The following ZPBP variants were observed in gnomAD, a reference collection of about 807,000 sequenced individuals.
ZPBP encodes the protein zona pellucida-binding protein 1.
A neutral mutation model predicts 44.8 loss-of-function variants in ZPBP; 26 were observed. That is an observed-to-expected ratio of 0.58 (90% CI 0.43 to 0.81). ZPBP has a LOEUF of 0.81. Ranked by LOEUF, ZPBP falls within the 30% of genes least tolerant of loss-of-function variation. The pLI, the probability that ZPBP is intolerant of heterozygous loss-of-function variation, is 0.00. For missense variants in ZPBP, 409 were observed against 434.0 expected, an observed-to-expected ratio of 0.94 and a Z score of 0.51; for synonymous variants, 174 against 153.2, an observed-to-expected ratio of 1.14 and a Z score of -1.00.
chr7:49,873,351 T>C (rs966889070), intron 2 of ZPBP, among the ~76,000 whole-genome samples: 5 of 152,308 alleles, frequency 3.3e-5, no homozygotes, highest in Middle Eastern at 3.4e-3. Context: ...CACCTTGTAA[T>C]GGAGGGAGAG....
intron 7 of ZPBP, among the ~76,000 whole-genome samples, chr7:49,947,460 G>T (rs551627952): frequency 6.6e-6 from 1 of 152,304 alleles, no homozygotes; most frequent in South Asian, 2.1e-4. Context: ...CTGCAGACTT[G>T]CAGATGCACT....
rs143464449 is a variant in ZPBP at position 49,928,492 on chromosome 7, T to G, written n.411+7259A>C. Among the ~76,000 whole-genome samples, 1,310 of 152,246 alleles carry G rather than the reference T, an allele frequency of 8.6e-3. 14 individuals carry two copies. The highest frequency in any genetic ancestry group is 0.014 in the Non-Finnish European group (985 of 68,010). On this transcript the variant is annotated intron_variant and non_coding_transcript_variant, in intron 1 of 2. Coordinates refer to the ZPBP transcript ENST00000465922. Reference sequence around the variant, plus strand: ...ATCTATTGATATTTCTCTTCCCCACTCTCCTTCAGGACCACCCCTGTGGGT... The same window carrying G: ...ATCTATTGATATTTCTCTTCCCCACGCTCCTTCAGGACCACCCCTGTGGGT...
At chr7:50,081,960 T>C (rs1403720700) in intron 2 of ZPBP, 61 bp from the exon 3 acceptor site, 26 of 1,572,682 alleles carry the variant, frequency 1.7e-5, no homozygotes, top group East Asian at 1.6e-4. Flanking sequence ...TTCTCTATAA[T>C]GTACACTTTT....
chr7:49,976,956 C>T (rs537338548), intron 7 of ZPBP, among the ~76,000 whole-genome samples: 150 of 151,934 alleles, frequency 9.9e-4, no homozygotes, highest in African/African-American at 3.5e-3. Flanking sequence ...CAAAAAATTA[C>T]CCGGGCACGG....
intron 4 of ZPBP, among the ~76,000 whole-genome samples, chr7:50,038,022 A>G (rs1296577036): frequency 3.3e-5 from 5 of 152,152 alleles, no homozygotes; most frequent in African/African-American, 1.2e-4. Flanking sequence ...TAAATCAGGT[A>G]GAGGAACACT....
At chr7:49,904,471 T>C (rs1017185265) in intron 1 of ZPBP, among the ~76,000 whole-genome samples, 1 of 152,206 alleles carries the variant, frequency 6.6e-6, no homozygotes, top group Non-Finnish European at 1.5e-5. Context: ...TGCATGTAGA[T>C]ACACATGTTT....
rs73334188 is a variant in ZPBP at position 49,999,197 on chromosome 7, C to G, written c.784-15678G>C. On this transcript the variant is annotated intron_variant, in intron 6 of 7. Transcript: ENST00000046087. ...CATTTATATAATAACTCTCCAATTC[C>G]TATAATAAGTCTCCATATATATATA... Among the ~76,000 whole-genome samples the G allele has an allele frequency of 5.6e-3, 847 of 150,772 alleles. 8 individuals are homozygous for G. Among genetic ancestry groups the G allele is most frequent in the African/African-American group, 0.02 (813 of 41,006 alleles).
rs542256676 is a variant in ZPBP, at chr7:50,089,918, G to A, written c.128-209C>T. Among the ~76,000 whole-genome samples, 3 of 152,006 alleles carry A rather than the reference G, an allele frequency of 2.0e-5. No homozygotes were observed. The South Asian group carries it at 6.2e-4, about 32-fold the overall frequency. On this transcript the variant is annotated intron_variant, in intron 1 of 7. Coordinates refer to ENST00000046087, the MANE Select transcript of ZPBP (RefSeq NM_007009.3). ...CTTCTCCATATTATATCTCACCTCT[G>A]ATTTTTTCTAAAGCCATTTAGAATA...
intron 2 of ZPBP, among the ~76,000 whole-genome samples, chr7:49,859,126 T>C (rs545550977): frequency 6.6e-6 from 1 of 152,340 alleles, no homozygotes; most frequent in South Asian, 2.1e-4. Context: ...AGAATTTCAC[T>C]GATGGGGCAT....
chr7:49,884,828 T>C (rs1791825877), intron 2 of ZPBP, among the ~76,000 whole-genome samples: 1 of 152,006 alleles, frequency 6.6e-6, no homozygotes, highest in Admixed American at 6.6e-5. Flanking sequence ...CCAAAAATGA[T>C]ATAGACGTCA....
At chr7:50,076,718 A>G (rs1264337012) in intron 3 of ZPBP, among the ~76,000 whole-genome samples, 2 of 151,772 alleles carry the variant, frequency 1.3e-5, no homozygotes, top group Non-Finnish European at 3.0e-5. Flanking sequence ...AATGAAAACT[A>G]TAAAACACCT....
At chr7:50,052,908 T>C (rs947689049) in intron 4 of ZPBP, among the ~76,000 whole-genome samples, 4 of 152,110 alleles carry the variant, frequency 2.6e-5, no homozygotes, top group African/African-American at 9.7e-5. Flanking sequence ...TGAGAGAAGA[T>C]TGGTGGTTGC....
At position 49,983,528 on chromosome 7, in the gene ZPBP, T is replaced by G; in HGVS notation, c.784-9A>C. The stretch of plus-strand genomic sequence containing the variant: ...TCTATGAGATTTTTAGCCTAAAACA[T>G]AAATACAATTTGATAAACTGTTAGC... On this transcript the variant is annotated splice_polypyrimidine_tract_variant and intron_variant, in intron 6 of 7. Transcript: ENST00000046087. 1 of 1,508,504 alleles carries G rather than the reference T, an allele frequency of 6.6e-7. No individual in the cohort carries two copies. The highest frequency in any genetic ancestry group is 9.1e-7 in the Non-Finnish European group (1 of 1,095,246). 93.4% of individuals were successfully genotyped at this position (1,508,504 alleles called of 1,614,324 possible). A position where few individuals can be genotyped will look rare whatever the true frequency, so the allele number is the denominator to read the frequency against.
chr7:49,843,723 T>C, the ZPBP span, among the ~76,000 whole-genome samples: 4 of 152,216 alleles, frequency 2.6e-5, no homozygotes, highest in Admixed American at 6.5e-5. Flanking sequence ...GACAAGGTCA[T>C]AGAAGCACTG....
intron 7 of ZPBP, among the ~76,000 whole-genome samples, chr7:49,977,729 T>C (rs910938148): frequency 6.6e-6 from 1 of 152,164 alleles, no homozygotes; most frequent in African/African-American, 2.4e-5. Context: ...ACACATTTAA[T>C]CCATAATAAT....
chr7:50,082,098 T>C (rs142021781), intron 2 of ZPBP, among the ~76,000 whole-genome samples, 199 bp from the exon 3 acceptor site: 1 of 152,036 alleles, frequency 6.6e-6, no homozygotes, highest in Admixed American at 6.6e-5. Context: ...TATGTATATA[T>C]GTGTATGCAT....
At chr7:49,907,200 T>C (rs1043486930) in intron 1 of ZPBP, among the ~76,000 whole-genome samples, 8 of 152,230 alleles carry the variant, frequency 5.3e-5, no homozygotes, top group Admixed American at 6.5e-5. Context: ...TAAAAAAAGT[T>C]ACACTCGAAG....
the ZPBP span, among the ~76,000 whole-genome samples, chr7:49,840,860 C>T: frequency 6.6e-6 from 1 of 152,078 alleles, no homozygotes; most frequent in Non-Finnish European, 1.5e-5. Flanking sequence ...CTCTGACCCC[C>T]GAGTCAGAGC....
At chr7:50,081,676 G>A (rs1584192941) in intron 3 of ZPBP, 98 bp downstream of exon 3, 5 of 1,418,912 alleles carry the variant, frequency 3.5e-6, no homozygotes, top group Middle Eastern at 2.5e-4. Flanking sequence ...AAGAATTGAG[G>A]AAATAACATA....
Sources: gnomAD v4.1 joint callset for allele counts (sites outside exome capture counted in the v4.1 genomes callset) on GRCh38, gnomAD v4.1.1 for gene constraint, MANE v1.5 for transcripts, NCBI Gene and HGNC (gene_info 2026-07-23, HGNC 2026-07-21) for gene names.